LOXHD1: variants seen among roughly 807,000 people sequenced by gnomAD.
LOXHD1 encodes lipoxygenase homology PLAT domains 1.
Under a neutral mutation model 248.2 loss-of-function variants are expected in LOXHD1, and 205 were observed. That is an observed-to-expected ratio of 0.83 (90% CI 0.74 to 0.93). The LOEUF (loss-of-function observed/expected upper bound fraction) is 0.93. LOXHD1 is among the 40% of genes least tolerant of loss of function. The probability of loss-of-function intolerance (pLI) is 0.00; values close to 1 mark genes in which losing one functional copy is unlikely to be tolerated. For synonymous variants in LOXHD1, 1,113 were observed against 1,162.8 expected (o/e 0.96, Z 0.87); for missense variants, 2,930 against 2,971.6 (o/e 0.99, Z 0.33).
In LOXHD1 at chr18:46,649,150, C is replaced by T. The variant is rs374277176; in HGVS notation, c.245+5G>A. ...GGATCCCACCAAGGCCAAGTGGGTACTCACTTGCTGGTGAGCTGGAGCTTG... is the reference window on the plus strand; with the variant it reads ...GGATCCCACCAAGGCCAAGTGGGTATTCACTTGCTGGTGAGCTGGAGCTTG... On this transcript the variant is annotated splice_donor_5th_base_variant and intron_variant, in intron 2 of 40. Coordinates refer to ENST00000642948, the MANE Select transcript of LOXHD1 (RefSeq NM_001384474.1). 9.2e-5 allele frequency: 143 copies of T among 1,551,042 alleles called. No individual in the cohort carries two copies. The highest frequency in any genetic ancestry group is 1.2e-4 in the Non-Finnish European group (139 of 1,146,470).
At position 46,509,733 on chromosome 18, in the gene LOXHD1, C is replaced by T; in HGVS notation, c.5482G>A (p.Gly1828Ser). ...AACCACTCCGGCCGACTGCCCAGGC[C>T]ATCAATCCGGATCCGCATCTTGGTG... Reference protein sequence around the residue: ...PFTKMRIRIDGLGSRPEWFLE... With the variant: ...PFTKMRIRIDSLGSRPEWFLE... The change falls in exon 35 of 41, where the codon GGC becomes AGC. Residue 1828 changes from glycine to serine, a missense_variant. By Grantham distance (56) the Gly-to-Ser change is moderately conservative (BLOSUM62 0). Transcript: ENST00000642948. 1 of 1,551,602 alleles carries T rather than the reference C, an allele frequency of 6.4e-7. No homozygotes were observed. Among genetic ancestry groups the T allele is most frequent in the Non-Finnish European group, 8.7e-7 (1 of 1,146,988 alleles).
rs561640373 is a variant in LOXHD1 at position 46,485,136 on chromosome 18, A to G, written c.6065T>C (p.Ile2022Thr). The change falls in exon 39 of 41, where the codon ATA becomes ACA. Residue 2022 changes from isoleucine (I) to threonine (T), a missense_variant. Coordinates refer to ENST00000642948, the MANE Select transcript of LOXHD1 (RefSeq NM_001384474.1). ...ELEETTYEIV[I>T]ETGNGGETRE... ...GGTTTCGCCTCCGTTGCCCGTTTCT[A>G]TGACGATCTCGTAGGCTGTAATGGA... The G allele has an allele frequency of 1.5e-5, 23 of 1,549,512 alleles. 1 individual carries two copies. The highest frequency in any genetic ancestry group is 1.1e-4 in the African/African-American group (8 of 72,272).
chr18:46,547,166 CCT>C (rs2036885740), intron 21 of LOXHD1, 108 bp from the exon 22 acceptor site: 4 of 1,227,402 alleles, frequency 3.3e-6, no homozygotes, highest in Admixed American at 4.0e-5. Context: ...CAAACTCTCC[CCT>C]GTCTGCCCCT....
At chr18:46,629,961 A>G (rs1297480241) in intron 4 of LOXHD1, among the ~76,000 whole-genome samples, 1 of 152,022 alleles carries the variant, frequency 6.6e-6, no homozygotes, top group Non-Finnish European at 1.5e-5. Flanking sequence ...TGTAATCATC[A>G]GCCTCTCTTC....
intron 21 of LOXHD1, among the ~76,000 whole-genome samples, chr18:46,555,747 A>C (rs2037301624): frequency 6.6e-6 from 1 of 152,080 alleles, no homozygotes. Context: ...CCCAAGGGGC[A>C]ATGAGGCCTA....
chr18:46,616,429 C>T (rs1005930423), intron 5 of LOXHD1, among the ~76,000 whole-genome samples: 13 of 152,166 alleles, frequency 8.5e-5, no homozygotes, highest in Non-Finnish European at 1.8e-4. Context: ...TCATCATCCA[C>T]TTTCCTTCTC....
chr18:46,563,348 T>C, intron 17 of LOXHD1, 123 bp from the exon 18 acceptor site: 2 of 938,504 alleles, frequency 2.1e-6, no homozygotes, highest in Non-Finnish European at 3.0e-6. Flanking sequence ...CATTCACTTA[T>C]CTAATCCTCT....
chr18:46,648,442 C>G (rs931966008), intron 2 of LOXHD1, among the ~76,000 whole-genome samples: 1 of 152,172 alleles, frequency 6.6e-6, no homozygotes. Context: ...TGGACTCAGA[C>G]CAGCTGATCA....
intron 33 of LOXHD1, chr18:46,520,635 A>G (rs2144118740): frequency 4.0e-6 from 1 of 249,818 alleles, no homozygotes; most frequent in Non-Finnish European, 7.8e-6. Flanking sequence ...CATTGGCTGC[A>G]CCGTGAGACT....
At chr18:46,563,469 C>G (rs2037571483) in intron 17 of LOXHD1, among the ~76,000 whole-genome samples, 1 of 152,108 alleles carries the variant, frequency 6.6e-6, no homozygotes, top group South Asian at 2.1e-4. Context: ...GACACACACC[C>G]CAGTCATCCT....
rs12968350 is a variant in LOXHD1 at position 46,509,472 on chromosome 18, T to G, written c.5517+226A>C. On this transcript the variant is annotated intron_variant, in intron 35 of 40. Transcript: ENST00000642948. ...GTCCACGTAACGTTGACAGCTCTTG[T>G]TTAATTACCTGACAGTTGCTTCAGT... 23,499 of 576,546 alleles carry G rather than the reference T, an allele frequency of 0.041. 684 individuals carry two copies. Among genetic ancestry groups the G allele is most frequent in the South Asian group, 0.057 (2,968 of 51,794 alleles). The allele number at this position is 576,546 out of a possible 1,614,324, so 35.7% of individuals were successfully genotyped here.
Position 46,560,225 on chromosome 18 carries a change from C to T in LOXHD1, c.2919G>A (p.Glu973=). Residue 973 remains glutamate, a synonymous_variant, in exon 19 of 41, where the codon GAG becomes GAA. Transcript: ENST00000642948. ...SSSEEEEMEE[E]EEEEEFGPGM... ...CCGGCCCAAACTCCTCCTCTTCCTC[C>T]TCTTCTTCCATCTCCTCCTCCTCTG... is the stretch of plus-strand genomic sequence containing the variant. 8 of 1,551,526 alleles carry T rather than the reference C, an allele frequency of 5.2e-6. No homozygotes were observed. The highest frequency in any genetic ancestry group is 6.1e-6 in the Non-Finnish European group (7 of 1,146,994).
At chr18:46,506,642 A>AG (rs2034592765) in intron 36 of LOXHD1, among the ~76,000 whole-genome samples, 1 of 152,226 alleles carries the variant, frequency 6.6e-6, no homozygotes, top group Non-Finnish European at 1.5e-5. Flanking sequence ...TTTAAGCAAT[A>AG]GGGGTAAAAG....
intron 5 of LOXHD1, among the ~76,000 whole-genome samples, chr18:46,614,395 A>T (rs183155139): frequency 6.6e-6 from 1 of 152,140 alleles, no homozygotes; most frequent in Admixed American, 6.6e-5. Context: ...AGCCATAAAA[A>T]AGGATGAGTT....
In LOXHD1 at chr18:46,479,770, A is replaced by C. The variant is rs200540779; in HGVS notation, c.6342-1818T>G. Among the ~76,000 whole-genome samples the C allele has an allele frequency of 4.2e-3, 593 of 139,868 alleles. 21 individuals are homozygous for C. In the East Asian group the frequency reaches 0.15, roughly 36 times the overall value. The allele number at this position is 139,868 out of a possible 152,430, so 91.8% of individuals were successfully genotyped here. On this transcript the variant is annotated intron_variant, in intron 40 of 40. Coordinates refer to ENST00000642948, the MANE Select transcript of LOXHD1 (RefSeq NM_001384474.1). ...AGATGAACATTCTTAACAGAAAAAA[A>C]AAAAAACAAAAAAAAAAACACCTTT...
intron 40 of LOXHD1, among the ~76,000 whole-genome samples, chr18:46,478,725 A>G (rs2032264613): frequency 6.6e-6 from 1 of 152,038 alleles, no homozygotes; most frequent in Non-Finnish European, 1.5e-5. Context: ...CAGGGTATCA[A>G]TTTGCTACCC....
At chr18:46,481,007 C>CAGCA (rs1482837246) in intron 40 of LOXHD1, among the ~76,000 whole-genome samples, 3 of 152,160 alleles carry the variant, frequency 2.0e-5, no homozygotes, top group African/African-American at 7.2e-5. Context: ...GGAAGGTCAA[C>CAGCA]AGCACACTGC....
intron 20 of LOXHD1, among the ~76,000 whole-genome samples, chr18:46,558,483 G>A (rs2037427999): frequency 6.6e-6 from 1 of 152,162 alleles, no homozygotes; most frequent in African/African-American, 2.4e-5. Context: ...CCAGAAATAT[G>A]TGGCTATAAT....
chr18:46,565,179 G>A (rs570184906), intron 17 of LOXHD1, among the ~76,000 whole-genome samples: 2 of 151,826 alleles, frequency 1.3e-5, no homozygotes, highest in African/African-American at 2.4e-5. Flanking sequence ...CAGGAGAATC[G>A]CTTGAACCCG....
Sources: allele counts gnomAD v4.1 joint callset (sites outside exome capture counted in the v4.1 genomes callset), GRCh38; gene constraint gnomAD v4.1.1; transcripts MANE v1.5; gene names NCBI Gene and HGNC (gene_info 2026-07-23, HGNC 2026-07-21).